The following PDZRN4 variants were observed in gnomAD, a reference collection of about 807,000 sequenced individuals.
The protein encoded by PDZRN4 is PDZ domain-containing RING finger protein 4.
Under a neutral mutation model 99.0 loss-of-function variants are expected in PDZRN4, and 70 were observed. The ratio of observed to expected loss-of-function variants is 0.71; its 90% confidence interval spans 0.58 to 0.86. The LOEUF is 0.86. PDZRN4 is among the 40% of genes least tolerant of loss of function. The pLI is 0.00. For synonymous variants in PDZRN4, 551 were observed against 501.6 expected (o/e 1.10, Z -1.32); for missense variants, 1,474 against 1,331.2 (o/e 1.11, Z -1.67).
At chr12:41,379,867 G>T (rs2121099348) in intron 3 of PDZRN4, among the ~76,000 whole-genome samples, 1 of 151,706 alleles carries the variant, frequency 6.6e-6, no homozygotes, top group Non-Finnish European at 1.5e-5. Flanking sequence ...TAGGTAATTT[G>T]GTCTATAGTG....
chr12:41,452,023 G>A (rs1952778786), intron 3 of PDZRN4, among the ~76,000 whole-genome samples: 1 of 151,870 alleles, frequency 6.6e-6, no homozygotes, highest in Non-Finnish European at 1.5e-5. Flanking sequence ...AATTTGAGAT[G>A]TAGAATCTTT....
At chr12:41,299,996 CTGAG>C (rs1266378240) in intron 3 of PDZRN4, among the ~76,000 whole-genome samples, 1 of 151,834 alleles carries the variant, frequency 6.6e-6, no homozygotes, top group Non-Finnish European at 1.5e-5. Context: ...ATTTTGATCT[CTGAG>C]TGTCTTCTAC....
intron 3 of PDZRN4, among the ~76,000 whole-genome samples, chr12:41,504,695 A>C (rs377352702): frequency 6.6e-6 from 1 of 152,166 alleles, no homozygotes; most frequent in South Asian, 2.1e-4. Context: ...GATCATGTCC[A>C]TAGGTGTCTC....
At chr12:41,255,413 G>GT (rs1555219804) in intron 3 of PDZRN4, among the ~76,000 whole-genome samples, 56 of 151,568 alleles carry the variant, frequency 3.7e-4, no homozygotes, top group African/African-American at 8.7e-4. Context: ...AGAAAGTTTT[G>GT]TTTTTTTTGT....
At chr12:41,378,808 C>T (rs1952101414) in intron 3 of PDZRN4, among the ~76,000 whole-genome samples, 1 of 152,124 alleles carries the variant, frequency 6.6e-6, no homozygotes, top group Non-Finnish European at 1.5e-5. Flanking sequence ...CAGGCGTGAG[C>T]CACAGCGCCC....
At chr12:41,478,432 C>A (rs1462643921) in intron 3 of PDZRN4, among the ~76,000 whole-genome samples, 1 of 152,116 alleles carries the variant, frequency 6.6e-6, no homozygotes, top group Non-Finnish European at 1.5e-5. Flanking sequence ...ATTAAATATA[C>A]TTACATATAT....
chr12:41,405,417 G>A (rs938059346), intron 3 of PDZRN4, among the ~76,000 whole-genome samples: 20 of 152,142 alleles, frequency 1.3e-4, no homozygotes, highest in African/African-American at 4.8e-4. Context: ...ACTCCAGTCA[G>A]AATGGTTATT....
At chr12:41,508,763 A>T (rs1360558587) in intron 4 of PDZRN4, among the ~76,000 whole-genome samples, 1 of 152,114 alleles carries the variant, frequency 6.6e-6, no homozygotes, top group Non-Finnish European at 1.5e-5. Context: ...AGTAGTGAGG[A>T]GAGGCTGGTA....
At chr12:41,257,714 C>T (rs537970055) in intron 3 of PDZRN4, among the ~76,000 whole-genome samples, 102 of 152,194 alleles carry the variant, frequency 6.7e-4, no homozygotes, top group Admixed American at 1.2e-3. Context: ...TTGGGTCTTT[C>T]AATTGTGTTT....
chr12:41,281,043 C>A (rs1232760578), intron 3 of PDZRN4, among the ~76,000 whole-genome samples: 1 of 152,186 alleles, frequency 6.6e-6, no homozygotes, highest in Non-Finnish European at 1.5e-5. Flanking sequence ...TGCTGTTCTG[C>A]ATCCTCTGCT....
intron 3 of PDZRN4, among the ~76,000 whole-genome samples, chr12:41,338,201 A>T (rs1203171405): frequency 6.6e-6 from 1 of 152,162 alleles, no homozygotes; most frequent in Non-Finnish European, 1.5e-5. Flanking sequence ...TTTCAAAAGG[A>T]TTAATATCTA....
At chr12:41,448,933 T>C (rs1952752357) in intron 3 of PDZRN4, among the ~76,000 whole-genome samples, 1 of 152,224 alleles carries the variant, frequency 6.6e-6, no homozygotes, top group African/African-American at 2.4e-5. Context: ...AAACAAAACA[T>C]TTATTGGCCC....
At chr12:41,445,639 T>C (rs1952719866) in intron 3 of PDZRN4, among the ~76,000 whole-genome samples, 1 of 151,628 alleles carries the variant, frequency 6.6e-6, no homozygotes, top group Admixed American at 6.6e-5. Context: ...CAGCTTGTGG[T>C]TTTATGAAGA....
At chr12:41,275,994 G>A (rs1242464750) in intron 3 of PDZRN4, among the ~76,000 whole-genome samples, 1 of 152,144 alleles carries the variant, frequency 6.6e-6, no homozygotes, top group African/African-American at 2.4e-5. Flanking sequence ...GGAAACTCCA[G>A]ATTTATATGC....
At chr12:41,504,138 A>C (rs1938163068) in intron 3 of PDZRN4, among the ~76,000 whole-genome samples, 1 of 152,098 alleles carries the variant, frequency 6.6e-6, no homozygotes, top group Non-Finnish European at 1.5e-5. Flanking sequence ...GCATGGTGGC[A>C]TGCGCCTGTT....
Position 41,428,807 on chromosome 12 carries a change from C to T in PDZRN4, c.844-77649C>T, listed in dbSNP as rs533904712. ...CAGACGCTCATGAGCGAATGCAAGA[C>T]CTGGCTGAGAGAAGATGATATCCTG... On this transcript the variant is annotated intron_variant, in intron 3 of 9. Transcript: ENST00000402685. Among the ~76,000 whole-genome samples, 19 of 152,228 alleles carry T rather than the reference C, an allele frequency of 1.2e-4. No homozygotes were observed. The South Asian group carries it at 3.9e-3, about 32-fold the overall frequency.
chr12:41,572,448 C>A lies in PDZRN4; in HGVS notation c.1669C>A (p.Arg557Ser), dbSNP rs752112201. The A allele has an allele frequency of 6.2e-6, 10 of 1,613,970 alleles. No homozygotes were observed. The highest frequency in any genetic ancestry group is 7.6e-6 in the Non-Finnish European group (9 of 1,179,918). Residue 557 changes from arginine (R) to serine (S), a missense_variant, in exon 10 of 10, where the codon CGT (arginine) becomes AGT (serine). Coordinates refer to ENST00000402685, the MANE Select transcript of PDZRN4 (RefSeq NM_001164595.2). ...CCATGAGAAGGACAGTGGAGTAGGA[C>A]GTACAGATGAAAGCTTGCGAAATGA... ...NNHEKDSGVGRTDESLRNDES... is the reference protein window; with the variant it reads ...NNHEKDSGVGSTDESLRNDES...
intron 3 of PDZRN4, among the ~76,000 whole-genome samples, chr12:41,329,582 T>A (rs557845073): frequency 3.9e-5 from 6 of 152,262 alleles, no homozygotes; most frequent in Admixed American, 3.3e-4. Flanking sequence ...TTATCTGTTG[T>A]CATTTTTGGT....
At position 41,188,554 on chromosome 12, in the gene PDZRN4, C is replaced by A. The variant is rs200986543; in HGVS notation, c.99C>A (p.Cys33Ter). 1 of 1,559,572 alleles carries A rather than the reference C, an allele frequency of 6.4e-7. No homozygotes were observed. Among genetic ancestry groups the A allele is most frequent in the Non-Finnish European group, 8.6e-7 (1 of 1,160,332 alleles). Residue 33 changes from cysteine (C) to a stop codon, truncating the protein, a stop_gained, in exon 1 of 10, where the codon TGC becomes TGA. Coordinates refer to ENST00000402685, the MANE Select transcript of PDZRN4 (RefSeq NM_001164595.2). LOFTEE classifies it high-confidence loss of function. ...QVLEEPLCTPCGHVFCASCLL... is the reference protein window; with the variant it reads ...QVLEEPLCTP ...TTGAAGAGCCCCTGTGCACGCCGTG[C>A]GGGCACGTCTTCTGCGCCAGCTGCC...
Sources: gnomAD v4.1 joint callset for allele counts (sites outside exome capture counted in the v4.1 genomes callset) on GRCh38, gnomAD v4.1.1 for gene constraint, MANE v1.5 for transcripts, NCBI Gene and HGNC (gene_info 2026-07-23, HGNC 2026-07-21) for gene names.